Variants in METTL1 observed in about 807,000 individuals in gnomAD.
METTL1 encodes the protein tRNA (guanine-N(7)-)-methyltransferase.
A neutral mutation model predicts 27.7 loss-of-function variants in METTL1; 14 were observed. That is an observed-to-expected ratio of 0.51 (90% CI 0.33 to 0.79). The LOEUF is 0.79. Ranked by LOEUF, METTL1 falls within the 30% of genes least tolerant of loss-of-function variation. The probability of loss-of-function intolerance (pLI) is 0.02; values close to 1 mark genes in which losing one functional copy is unlikely to be tolerated. For synonymous variants in METTL1, 138 were observed against 137.0 expected, an observed-to-expected ratio of 1.01 and a Z score of -0.05; for missense variants, 333 against 359.6, an observed-to-expected ratio of 0.93 and a Z score of 0.60.
At chr12:57,769,443 C>G in intron 4 of METTL1, 39 bp from the exon 5 acceptor site, 1 of 1,608,700 alleles carries the variant, frequency 6.2e-7, no homozygotes, top group Non-Finnish European at 8.5e-7. Context: ...AGGCTGCATG[C>G]AACGTCAGCA....
In METTL1 at chr12:57,769,308, C is replaced by G; in HGVS notation, c.670G>C (p.Asp224His). The change falls in exon 5 of 6, where the codon GAC (aspartate) becomes CAC (histidine). Residue 224 changes from aspartate (D) to histidine (H), a missense_variant. Physicochemically the swap from Asp to His is moderately conservative, Grantham distance 81. Coordinates refer to ENST00000324871, the MANE Select transcript of METTL1 (RefSeq NM_005371.6). The stretch of plus-strand genomic sequence containing the variant: ...CCTCTAGGTCCCCTACTCACCAGGT[C>G]CTCCAGAGGCACACGCTCAAACAGT... ...HPLFERVPLE[D>H]LSEDPVVGHL... 1 of 1,614,038 alleles carries G rather than the reference C, an allele frequency of 6.2e-7. No homozygotes were observed. Among genetic ancestry groups the G allele is most frequent in the South Asian group, 1.1e-5 (1 of 91,058 alleles).
intron 1 of METTL1, chr12:57,771,597 G>A: frequency 2.0e-6 from 3 of 1,535,324 alleles, no homozygotes; most frequent in Non-Finnish European, 2.6e-6. Context: ...CCTACTTTGT[G>A]TTTGTGCTCT....
intron 4 of METTL1, 45 bp from the exon 5 acceptor site, chr12:57,769,449 CAG>C: frequency 1.2e-6 from 2 of 1,600,756 alleles, no homozygotes; most frequent in Non-Finnish European, 1.7e-6. Context: ...CATGCAACGT[CAG>C]CAGCCAGATG....
At chr12:57,771,285 G>T in intron 1 of METTL1, 28 bp from the exon 2 acceptor site, 2 of 1,474,752 alleles carry the variant, frequency 1.4e-6, no homozygotes, top group South Asian at 1.1e-5. Flanking sequence ...TAAGAAGCAT[G>T]AGAAGGTTGG....
intron 2 of METTL1, 82 bp from the exon 3 acceptor site, chr12:57,770,038 A>C: frequency 2.1e-5 from 29 of 1,394,742 alleles, no homozygotes; most frequent in Non-Finnish European, 2.7e-5. Context: ...AGGAAGCCTC[A>C]ACCTGCAACT....
chr12:57,768,969 G>A lies in METTL1; in HGVS notation c.*27C>T, dbSNP rs200265154. The A allele has an allele frequency of 3.5e-5, 55 of 1,586,024 alleles. No homozygotes were observed. Among genetic ancestry groups the A allele is most frequent in the Admixed American group, 1.8e-4 (11 of 59,560 alleles). On this transcript the variant is annotated 3_prime_UTR_variant, in exon 6 of 6. Coordinates refer to ENST00000324871, the MANE Select transcript of METTL1 (RefSeq NM_005371.6). ...CTCTTTTCTCTAATCCCTGGGAGAC[G>A]AGGTCCAGCTAAGGTAGAGTAAGCA... is the stretch of plus-strand genomic sequence containing the variant.
intron 1 of METTL1, 131 bp downstream of exon 1, chr12:57,771,843 C>A: frequency 8.2e-7 from 1 of 1,217,632 alleles, no homozygotes; most frequent in Non-Finnish European, 1.1e-6. Context: ...CGGTCCCACC[C>A]CCAAAAACTG....
Position 57,769,928 on chromosome 12 carries a change from T to C in METTL1, c.303A>G (p.Thr101=), listed in dbSNP as rs1955409107. 6.2e-7 allele frequency: 1 copy of C among 1,612,120 alleles called. No individual in the cohort carries two copies. Among genetic ancestry groups the C allele is most frequent in the Non-Finnish European group, 8.5e-7 (1 of 1,179,082 alleles). Residue 101 remains threonine, a synonymous_variant, in exon 3 of 6, where the codon ACA becomes ACG. Coordinates refer to ENST00000324871, the MANE Select transcript of METTL1 (RefSeq NM_005371.6). The part of the protein sequence containing the change: ...LVELSPLFPD[T]LILGLEIRVK... The stretch of plus-strand genomic sequence containing the variant: ...CCCGGATCTCCAGACCCAGAATAAG[T>C]GTGTCTGGGAACAGCGGTGACAGTT...
At position 57,769,848 on chromosome 12, in the gene METTL1, G is replaced by C. The variant is rs973463831; in HGVS notation, c.383C>G (p.Ala128Gly). The change falls in exon 3 of 6, where the codon GCA becomes GGA. Residue 128 changes from alanine to glycine, a missense_variant. By Grantham distance (60) the Ala-to-Gly change is moderately conservative. Coordinates refer to ENST00000324871, the MANE Select transcript of METTL1 (RefSeq NM_005371.6). ...DRIRALRAAP[A>G]GGFQNIACLR... ...ACAGGCGATGTTCTGGAAGCCACCT[G>C]CAGGAGCTGCGCGTAGGGCCCGAAT... 6.2e-7 allele frequency: 1 copy of C among 1,614,214 alleles called. No individual in the cohort carries two copies. The highest frequency in any genetic ancestry group is 8.5e-7 in the Non-Finnish European group (1 of 1,180,036).
chr12:57,771,205 C>T lies in METTL1; in HGVS notation c.163G>A (p.Ala55Thr), dbSNP rs145608033. 6.0e-5 allele frequency: 97 copies of T among 1,613,944 alleles called. No homozygotes were observed. The highest frequency in any genetic ancestry group is 3.0e-5 in the Non-Finnish European group (35 of 1,180,014). The change falls in exon 2 of 6, where the codon GCT becomes ACT. Residue 55 changes from alanine to threonine, a missense_variant. Ala to Thr is a moderately conservative substitution (Grantham distance 58). Coordinates refer to ENST00000324871, the MANE Select transcript of METTL1 (RefSeq NM_005371.6). ...TGGCTCTGATTTTGAGTGAGTGGAG[C>T]GAAGAACTCTGGGTATAGCTCAGAC... ...DWSELYPEFFAPLTQNQSHDD... is the reference protein window; with the variant it reads ...DWSELYPEFFTPLTQNQSHDD...
chr12:57,771,721 C>A lies in METTL1; in HGVS notation c.110+253G>T, dbSNP rs142800229. 1.2e-4 allele frequency: 164 copies of A among 1,418,478 alleles called. No individual in the cohort carries two copies. In the African/African-American group the frequency reaches 2.2e-3, roughly 19 times the overall value. 87.9% of individuals were successfully genotyped at this position (1,418,478 alleles called of 1,614,324 possible). ...AAACGACATTCTGCCTCTATCACTTCAGTCTCAGTAACAATTTATTTCTCT... is the reference window on the plus strand; with the variant it reads ...AAACGACATTCTGCCTCTATCACTTAAGTCTCAGTAACAATTTATTTCTCT... On this transcript the variant is annotated intron_variant, in intron 1 of 5. Transcript: ENST00000324871.
Position 57,769,018 on chromosome 12 carries a change from T to G in METTL1, c.809A>C (p.Gln270Pro). 6.2e-7 allele frequency: 1 copy of G among 1,606,156 alleles called. No individual in the cohort carries two copies. Among genetic ancestry groups the G allele is most frequent in the African/African-American group, 1.3e-5 (1 of 74,894 alleles). ...CAGTCAGTGACCAGGCAGGCTGGTT[T>G]GGGAGGTCACTGCCTGGAGGACGGG... is the stretch of plus-strand genomic sequence containing the variant. ...QDPVLQAVTS[Q>P]TSLPGH Residue 270 changes from glutamine (Q) to proline (P), a missense_variant, in exon 6 of 6, where the codon CAA becomes CCA. Physicochemically the swap from Gln to Pro is moderately conservative, Grantham distance 76. Coordinates refer to ENST00000324871, the MANE Select transcript of METTL1 (RefSeq NM_005371.6).
rs752444478 is a variant in METTL1 at position 57,771,261 on chromosome 12, T to C, written c.111-4A>G. 1.6e-5 allele frequency: 26 copies of C among 1,612,772 alleles called. No homozygotes were observed. Among genetic ancestry groups the C allele is most frequent in the South Asian group, 3.3e-5 (3 of 91,008 alleles). On this transcript the variant is annotated splice_polypyrimidine_tract_variant and splice_region_variant and intron_variant, in intron 1 of 5. Transcript: ENST00000324871. ...CATCTCCTCTGGCTTCACAGGGCTATTGGAAAGAAGACATAAGAAGCATGA... is the reference window on the plus strand; with the variant it reads ...CATCTCCTCTGGCTTCACAGGGCTACTGGAAAGAAGACATAAGAAGCATGA...
chr12:57,770,989 T>C, intron 2 of METTL1, 105 bp downstream of exon 2: 1 of 1,249,550 alleles, frequency 8.0e-7, no homozygotes, highest in Non-Finnish European at 1.1e-6. Flanking sequence ...GTCACCAGTG[T>C]CTGGACGAAA....
chr12:57,769,425 T>C, intron 4 of METTL1, 21 bp from the exon 5 acceptor site: 2 of 1,612,866 alleles, frequency 1.2e-6, no homozygotes, highest in Non-Finnish European at 1.7e-6. Context: ...AAAATCACCC[T>C]AGACAGGAGG....
rs1242041673 is a variant in METTL1, at chr12:57,768,795, T to C, written c.*201A>G. On this transcript the variant is annotated 3_prime_UTR_variant, in exon 6 of 6. Coordinates refer to ENST00000324871, the MANE Select transcript of METTL1 (RefSeq NM_005371.6). ...TGACCATCTCAGTCAGCTGCTTTGT[T>C]TTCTGTTGGCAGTGGAGGGACAAGG... 1.1e-5 allele frequency: 6 copies of C among 540,556 alleles called. No individual in the cohort carries two copies. The highest frequency in any genetic ancestry group is 5.7e-5 in the East Asian group (2 of 35,100). The allele number at this position is 540,556 out of a possible 1,614,324, so 33.5% of individuals were successfully genotyped here. A position where few individuals can be genotyped will look rare whatever the true frequency, so the allele number is the denominator to read the frequency against.
At chr12:57,769,481 T>C (rs1221342273) in intron 4 of METTL1, 77 bp from the exon 5 acceptor site, 1 of 1,588,766 alleles carries the variant, frequency 6.3e-7, no homozygotes, top group African/African-American at 1.3e-5. Flanking sequence ...GTGGTGTGAG[T>C]CCCTAAATGC....
intron 3 of METTL1, 33 bp from the exon 4 acceptor site, chr12:57,769,711 A>G (rs1955405103): frequency 1.9e-6 from 3 of 1,604,238 alleles, no homozygotes; most frequent in Non-Finnish European, 2.6e-6. Context: ...CAGGGTTGTG[A>G]GAGCCTGGCC....
Position 57,771,274 on chromosome 12 carries a change from A to T in METTL1, c.111-17T>A, listed in dbSNP as rs753777049. On this transcript the variant is annotated splice_polypyrimidine_tract_variant and intron_variant, in intron 1 of 5. Coordinates refer to ENST00000324871, the MANE Select transcript of METTL1 (RefSeq NM_005371.6). ...TTCACAGGGCTATTGGAAAGAAGAC[A>T]TAAGAAGCATGAGAAGGTTGGTCAC... 6.2e-7 allele frequency: 1 copy of T among 1,608,934 alleles called. No individual in the cohort carries two copies. The highest frequency in any genetic ancestry group is 1.1e-5 in the South Asian group (1 of 90,728).
Sources: gnomAD v4.1 joint callset for allele counts on GRCh38, gnomAD v4.1.1 for gene constraint, MANE v1.5 for transcripts, NCBI Gene and HGNC (gene_info 2026-07-23, HGNC 2026-07-21) for gene names.